Variants in CTSB observed in about 807,000 individuals in gnomAD.
CTSB encodes cathepsin B.
CTSB carries 57 observed loss-of-function variants against 44.3 expected under a neutral mutation model. The ratio of observed to expected loss-of-function variants is 1.29; its 90% CI spans 1.04 to 1.60. The LOEUF is 1.60. Among genes scored for constraint, CTSB ranks in the 40% most tolerant of loss-of-function variants. The probability of loss-of-function intolerance (pLI) is 0.00; values close to 1 mark genes in which losing one functional copy is unlikely to be tolerated. For synonymous variants in CTSB, 320 were observed against 168.0 expected, an observed-to-expected ratio of 1.91 and a Z score of -7.00; for missense variants, 768 against 443.0, an observed-to-expected ratio of 1.73 and a Z score of -6.59.
At position 11,863,597 on chromosome 8, in the gene CTSB, T is replaced by C. The variant is rs1013512349; in HGVS notation, c.-26+4404A>G. 3.9e-5 allele frequency among the ~76,000 whole-genome samples: 6 copies of C among 152,234 alleles called. No individual in the cohort carries two copies. The South Asian group carries it at 6.2e-4, about 16-fold the overall frequency. On this transcript the variant is annotated intron_variant, in intron 1 of 9. Coordinates refer to ENST00000353047, the MANE Select transcript of CTSB (RefSeq NM_001908.5). Reference sequence around the variant, plus strand: ...GAGTAAAAACATCAGACCTTGGCGATGACCTTGAGCAGTATGATGTAAAAA... The same window carrying C: ...GAGTAAAAACATCAGACCTTGGCGACGACCTTGAGCAGTATGATGTAAAAA...
intron 1 of CTSB, among the ~76,000 whole-genome samples, chr8:11,856,443 G>A (rs1484832794): frequency 6.6e-6 from 1 of 151,758 alleles, no homozygotes; most frequent in Non-Finnish European, 1.5e-5. Context: ...GTGAAACCCT[G>A]TATCTACTAA....
Position 11,845,081 on chromosome 8 carries a change from C to T in CTSB, c.*44G>A, listed in dbSNP as rs759004418. On this transcript the variant is annotated 3_prime_UTR_variant, in exon 10 of 10. Transcript: ENST00000353047. ...ACTTAAAGAATAAAATGCATTTCTA[C>T]CCCGATCTCGCCCCCAGGACTGGCA... is the stretch of plus-strand genomic sequence containing the variant. 1.5e-6 allele frequency: 2 copies of T among 1,291,172 alleles called. No homozygotes were observed. The highest frequency in any genetic ancestry group is 2.3e-5 in the East Asian group (1 of 43,448). The allele number at this position is 1,291,172 out of a possible 1,614,324, so 80.0% of individuals were successfully genotyped here.
chr8:11,852,263 C>G (rs1185597968), intron 3 of CTSB, among the ~76,000 whole-genome samples: 2 of 152,062 alleles, frequency 1.3e-5, no homozygotes, highest in Non-Finnish European at 1.5e-5. Flanking sequence ...CCCAGCTACT[C>G]AGGAGGCTGT....
At chr8:11,849,024 G>C (rs770974886) in intron 5 of CTSB, 22 bp downstream of exon 5, 1 of 1,586,238 alleles carries the variant, frequency 6.3e-7, no homozygotes, top group Non-Finnish European at 8.6e-7. Flanking sequence ...TAAACCCGCT[G>C]TGGAAGCACA....
chr8:11,858,456 A>C (rs900763279), intron 1 of CTSB, among the ~76,000 whole-genome samples: 6 of 152,004 alleles, frequency 3.9e-5, no homozygotes, highest in Non-Finnish European at 7.4e-5. Flanking sequence ...CACTACGCCC[A>C]GCTTTGTATT....
chr8:11,848,386 G>A (rs1398622532), intron 5 of CTSB: 3 of 653,418 alleles, frequency 4.6e-6, no homozygotes, highest in Non-Finnish European at 8.5e-6. Context: ...GGAGAAGACA[G>A]GAGGCTCTCC....
At chr8:11,852,460 G>C (rs942009408) in intron 3 of CTSB, 150 bp downstream of exon 3, 1 of 454,582 alleles carries the variant, frequency 2.2e-6, no homozygotes, top group Admixed American at 4.1e-5. Context: ...AAAATGAAAA[G>C]AAACAAGTAC....
At chr8:11,852,469 AC>A in intron 3 of CTSB, 140 bp downstream of exon 3, 1 of 521,652 alleles carries the variant, frequency 1.9e-6, no homozygotes, top group Non-Finnish European at 3.4e-6. Context: ...AGAAACAAGT[AC>A]TGTACCTCAA....
chr8:11,851,170 TTTTGA>T (rs1019320330), intron 3 of CTSB, among the ~76,000 whole-genome samples, 190 bp from the exon 4 acceptor site: 12 of 150,804 alleles, frequency 8.0e-5, no homozygotes, highest in Admixed American at 7.3e-4. Context: ...TCAATGCACC[TTTTGA>T]TTTTTTTTTT....
intron 9 of CTSB, 123 bp downstream of exon 9, chr8:11,845,538 T>G: frequency 8.1e-7 from 1 of 1,232,744 alleles, no homozygotes; most frequent in South Asian, 1.5e-5. Context: ...TAGGAGGAGC[T>G]CACAGCCTGG....
chr8:11,854,076 A>G (rs1262139157), intron 1 of CTSB, among the ~76,000 whole-genome samples: 1 of 152,108 alleles, frequency 6.6e-6, no homozygotes, highest in South Asian at 2.1e-4. Context: ...CTGAGAAGGA[A>G]AACTCTCACC....
In CTSB at chr8:11,849,182, A is replaced by T; in HGVS notation, c.328-18T>A. On this transcript the variant is annotated intron_variant, in intron 4 of 9. Transcript: ENST00000353047. The stretch of plus-strand genomic sequence containing the variant: ...CCGAAGGCCTGCAGGAACGAGCCCC[A>T]CCGGGTGAGGCTGCCATGTCCGGGC... 6.2e-7 allele frequency: 1 copy of T among 1,604,246 alleles called. No individual in the cohort carries two copies. The highest frequency in any genetic ancestry group is 8.5e-7 in the Non-Finnish European group (1 of 1,173,708).
In CTSB at chr8:11,850,890, G is replaced by GTCTCTGA; in HGVS notation, c.296_302dup (p.Gly103ArgfsTer19). 1 of 1,613,294 alleles carries GTCTCTGA rather than the reference G, an allele frequency of 6.2e-7. No individual in the cohort carries two copies. The highest frequency in any genetic ancestry group is 1.1e-5 in the South Asian group (1 of 90,914). ...CCCAGCAGGAGCCACAGGAGCCCTGGTCTCTGATCTCTTTGATGGTGGGAC... is the reference window on the plus strand; with the variant it reads ...CCCAGCAGGAGCCACAGGAGCCCTGGTCTCTGATCTCTGATCTCTTTGATGGTGGGAC... On this transcript the variant is annotated frameshift_variant, in exon 4 of 10. Coordinates refer to ENST00000353047, the MANE Select transcript of CTSB (RefSeq NM_001908.5). LOFTEE classifies it high-confidence loss of function.
chr8:11,853,650 G>C (rs1339398338), intron 1 of CTSB, 171 bp from the exon 2 acceptor site: 1 of 614,976 alleles, frequency 1.6e-6, no homozygotes, highest in African/African-American at 1.9e-5. Flanking sequence ...CCTGCCCGAA[G>C]CACGCCATGA....
chr8:11,864,546 A>G (rs560797841), intron 1 of CTSB: 4 of 152,274 alleles, frequency 2.6e-5, no homozygotes, highest in East Asian at 1.9e-4. Flanking sequence ...GAAGAATCCA[A>G]AAGAGGGGCA....
intron 1 of CTSB, among the ~76,000 whole-genome samples, chr8:11,857,034 T>C (rs969502895): frequency 6.6e-6 from 1 of 152,194 alleles, no homozygotes; most frequent in African/African-American, 2.4e-5. Flanking sequence ...TCCTCCCTAG[T>C]GACTTTGAGA....
intron 1 of CTSB, among the ~76,000 whole-genome samples, chr8:11,856,439 C>T (rs1418637503): frequency 6.6e-6 from 1 of 152,054 alleles, no homozygotes; most frequent in Non-Finnish European, 1.5e-5. Flanking sequence ...GGTGGTGAAA[C>T]CCTGTATCTA....
chr8:11,864,848 G>A (rs112642367), intron 1 of CTSB, among the ~76,000 whole-genome samples: 1 of 151,734 alleles, frequency 6.6e-6, no homozygotes, highest in Non-Finnish European at 1.5e-5. Context: ...TGGGAGGTGA[G>A]GTTGCAGTGA....
At chr8:11,864,896 G>C (rs1334085916) in intron 1 of CTSB, among the ~76,000 whole-genome samples, 1 of 81,036 alleles carries the variant, frequency 1.2e-5, no homozygotes, top group African/African-American at 6.2e-5. Context: ...CTGGGTGACA[G>C]AGTGAAACTG....
Sources: allele counts gnomAD v4.1 joint callset (sites outside exome capture counted in the v4.1 genomes callset), GRCh38; gene constraint gnomAD v4.1.1; transcripts MANE v1.5; gene names NCBI Gene and HGNC (gene_info 2026-07-23, HGNC 2026-07-21).